The following GARIN1A variants were observed in gnomAD, a reference collection of about 807,000 sequenced individuals.
The protein encoded by GARIN1A is Golgi-associated RAB2 interactor protein 1A.
chr7:128,681,880 CA>C, the GARIN1A span, among the ~76,000 whole-genome samples: 2 of 106,182 alleles, frequency 1.9e-5, no homozygotes, highest in Admixed American at 9.0e-5. Context: ...GGCCACACTG[CA>C]CCCCCCCCCA....
chr7:128,673,898 TTCTTC>T, the GARIN1A span, among the ~76,000 whole-genome samples: 1 of 152,096 alleles, frequency 6.6e-6, no homozygotes, highest in Non-Finnish European at 1.5e-5. Context: ...AGCTGCAAAT[TTCTTC>T]TCTTAATGTG....
the GARIN1A span, among the ~76,000 whole-genome samples, chr7:128,673,878 G>A: frequency 6.6e-6 from 1 of 152,072 alleles, no homozygotes; most frequent in African/African-American, 2.4e-5. Flanking sequence ...CTATTTGGGT[G>A]TAATGATTCA....
chr7:128,705,904 T>G, the GARIN1A span, among the ~76,000 whole-genome samples: 2 of 151,920 alleles, frequency 1.3e-5, no homozygotes, highest in African/African-American at 4.8e-5. Flanking sequence ...ATCCACCCAC[T>G]TCGGTCTCCC....
At chr7:128,686,821 A>T in the GARIN1A span, 1 of 152,196 alleles carries the variant, frequency 6.6e-6, no homozygotes, top group African/African-American at 2.4e-5. Flanking sequence ...GGTTGCAGTG[A>T]GCCGAGATCA....
the GARIN1A span, chr7:128,682,815 G>C: frequency 5.5e-6 from 3 of 546,556 alleles, no homozygotes; most frequent in South Asian, 7.6e-5. Context: ...GACCTCAAGT[G>C]ATCCGCCCAC....
the GARIN1A span, among the ~76,000 whole-genome samples, chr7:128,699,611 T>A: frequency 6.6e-6 from 1 of 152,262 alleles, no homozygotes. Context: ...TAAAATTTGC[T>A]GAAACTTGCT....
the GARIN1A span, among the ~76,000 whole-genome samples, chr7:128,680,508 T>C: frequency 1.6e-4 from 24 of 152,202 alleles, no homozygotes; most frequent in African/African-American, 5.8e-4. Flanking sequence ...AAAACCCTAG[T>C]TCTCTTTGCC....
the GARIN1A span, among the ~76,000 whole-genome samples, chr7:128,706,410 AAC>A: frequency 8.9e-3 from 1,358 of 152,142 alleles, 20 homozygotes; most frequent in African/African-American, 0.031. Flanking sequence ...GATTTAGAAA[AAC>A]ACACACACGC....
the GARIN1A span, chr7:128,683,091 G>A: frequency 6.2e-7 from 1 of 1,612,538 alleles, no homozygotes; most frequent in Non-Finnish European, 8.5e-7. Flanking sequence ...GGAACAAGAG[G>A]ACTGGAATGA....
At chr7:128,675,638 C>T in the GARIN1A span, 5 of 1,609,488 alleles carry the variant, frequency 3.1e-6, no homozygotes, top group Non-Finnish European at 4.2e-6. Flanking sequence ...TTGTTTTCTG[C>T]TCCTTTCTGA....
the GARIN1A span, chr7:128,672,330 T>A: frequency 7.3e-7 from 1 of 1,374,782 alleles, no homozygotes; most frequent in South Asian, 1.3e-5. Flanking sequence ...CACATCAACA[T>A]CCTGGCATTG....
At chr7:128,679,006 T>A in the GARIN1A span, among the ~76,000 whole-genome samples, 1 of 148,798 alleles carries the variant, frequency 6.7e-6, no homozygotes, top group African/African-American at 2.5e-5. Flanking sequence ...ACATATATAC[T>A]TATGTAACGA....
chr7:128,704,435 G>T, the GARIN1A span, among the ~76,000 whole-genome samples: 1 of 151,952 alleles, frequency 6.6e-6, no homozygotes, highest in Non-Finnish European at 1.5e-5. Flanking sequence ...CTCCCAAGTA[G>T]CTGGGATTAC....
the GARIN1A span, chr7:128,683,806 G>A: frequency 1.3e-5 from 2 of 153,026 alleles, no homozygotes; most frequent in African/African-American, 4.8e-5. Flanking sequence ...AGGTTTAATT[G>A]GCTCATGGTT....
chr7:128,697,784 T>G, the GARIN1A span: 1 of 154,606 alleles, frequency 6.5e-6, no homozygotes, highest in African/African-American at 2.4e-5. Context: ...TGGCTGTGCC[T>G]CTCCCAGCCC....
chr7:128,698,878 C>T, the GARIN1A span, among the ~76,000 whole-genome samples: 2 of 152,224 alleles, frequency 1.3e-5, no homozygotes, highest in African/African-American at 2.4e-5. Flanking sequence ...TGAGCCACCG[C>T]GCCCGGCCAA....
chr7:128,679,815 C>T, the GARIN1A span, among the ~76,000 whole-genome samples: 1 of 152,186 alleles, frequency 6.6e-6, no homozygotes, highest in African/African-American at 2.4e-5. Flanking sequence ...CAGGACAGAG[C>T]AGCCACTGCA....
At chr7:128,677,741 C>T in the GARIN1A span, 1 of 1,613,862 alleles carries the variant, frequency 6.2e-7, no homozygotes, top group South Asian at 1.1e-5. Context: ...TGTCCATCAC[C>T]ACCAAAGACC....
At chr7:128,689,822 C>T in the GARIN1A span, among the ~76,000 whole-genome samples, 7 of 145,850 alleles carry the variant, frequency 4.8e-5, no homozygotes, top group East Asian at 4.5e-4. Context: ...CCGCCCCGTC[C>T]GGGAGGTGGG....
Sources: gnomAD v4.1 joint callset for allele counts (sites outside exome capture counted in the v4.1 genomes callset) on GRCh38, gnomAD v4.1.1 for gene constraint, MANE v1.5 for transcripts, NCBI Gene and HGNC (gene_info 2026-07-23, HGNC 2026-07-21) for gene names.